CFI: variants seen among roughly 807,000 people sequenced by gnomAD.
The protein encoded by CFI is C3B/C4B inactivator.
A neutral mutation model predicts 78.8 loss-of-function variants in CFI; 66 were observed. That is an observed-to-expected ratio of 0.84 (90% CI 0.69 to 1.03). The LOEUF is 1.03. CFI is among the 50% of genes least tolerant of loss of function. The pLI is 0.00. For missense variants in CFI, 706 were observed against 704.5 expected, an observed-to-expected ratio of 1.00 and a Z score of -0.02; for synonymous variants, 250 against 232.6, an observed-to-expected ratio of 1.07 and a Z score of -0.68.
At chr4:109,734,941 G>A in the CFI span, among the ~76,000 whole-genome samples, 1 of 152,118 alleles carries the variant, frequency 6.6e-6, no homozygotes, top group East Asian at 1.9e-4. Context: ...ATTCTGGGTG[G>A]CCAAGACTGG....
Position 109,764,773 on chromosome 4 carries a change from T to C in CFI, c.329-83A>G, listed in dbSNP as rs139301380. On this transcript the variant is annotated intron_variant, in intron 2 of 12. Transcript: ENST00000394634. ...TTAAAAGTCTTTAAAAATAATAATGTACTTAATGTCAAGTGAGCTTTGAAC... is the reference window on the plus strand; with the variant it reads ...TTAAAAGTCTTTAAAAATAATAATGCACTTAATGTCAAGTGAGCTTTGAAC... 66 of 1,254,350 alleles carry C rather than the reference T, an allele frequency of 5.3e-5. No individual in the cohort carries two copies. The East Asian group carries it at 1.5e-3, about 29-fold the overall frequency. 77.7% of individuals were successfully genotyped at this position (1,254,350 alleles called of 1,614,324 possible).
intron 1 of CFI, among the ~76,000 whole-genome samples, chr4:109,797,906 A>G (rs1007030851): frequency 2.0e-5 from 3 of 152,228 alleles, no homozygotes; most frequent in Admixed American, 6.5e-5. Flanking sequence ...TAACAAATGT[A>G]GCTGAGGATA....
chr4:109,741,417 A>G, intron 12 of CFI: 1 of 917,180 alleles, frequency 1.1e-6, no homozygotes, highest in South Asian at 5.0e-5. Flanking sequence ...TAGGAAAATG[A>G]TGGGACTGCC....
chr4:109,751,402 C>G (rs1338115840), intron 8 of CFI, among the ~76,000 whole-genome samples: 1 of 150,552 alleles, frequency 6.6e-6, no homozygotes, highest in Non-Finnish European at 1.5e-5. Flanking sequence ...GTTGAAAATG[C>G]CTTTTGACTA....
At chr4:109,752,324 A>C (rs969280002) in intron 8 of CFI, 144 bp downstream of exon 8, 25 of 703,198 alleles carry the variant, frequency 3.6e-5, no homozygotes, top group Non-Finnish European at 5.5e-5. Context: ...GTGACAGAGA[A>C]AGGAGAATAA....
At chr4:109,754,567 C>T (rs1009937940) in intron 7 of CFI, among the ~76,000 whole-genome samples, 1 of 151,770 alleles carries the variant, frequency 6.6e-6, no homozygotes, top group Admixed American at 6.6e-5. Context: ...CAACATGTTG[C>T]TCTGTCATGG....
chr4:109,800,093 C>T (rs1253555478), intron 1 of CFI, among the ~76,000 whole-genome samples: 2 of 152,066 alleles, frequency 1.3e-5, no homozygotes, highest in South Asian at 2.1e-4. Flanking sequence ...CTGCCATTTC[C>T]GCTGCCATCA....
chr4:109,755,741 A>G (rs1309605060), intron 7 of CFI, among the ~76,000 whole-genome samples: 1 of 152,138 alleles, frequency 6.6e-6, no homozygotes, highest in African/African-American at 2.4e-5. Context: ...TTCTTCATAA[A>G]TTACCCCGTC....
At chr4:109,757,068 GC>G (rs1333449226) in intron 7 of CFI, among the ~76,000 whole-genome samples, 1 of 151,918 alleles carries the variant, frequency 6.6e-6, no homozygotes, top group Non-Finnish European at 1.5e-5. Context: ...CAGCTCTGTC[GC>G]CCAGGCTGGA....
At chr4:109,756,949 GAAAGAA>G (rs1561297935) in intron 7 of CFI, among the ~76,000 whole-genome samples, 32 of 142,644 alleles carry the variant, frequency 2.2e-4, no homozygotes, top group African/African-American at 8.4e-4. Context: ...AAGAAAGAAA[GAAAGAA>G]AGAAAGAAAG....
intron 6 of CFI, 183 bp from the exon 7 acceptor site, chr4:109,757,966 C>CA (rs1561299240): frequency 2.1e-6 from 3 of 1,454,118 alleles, no homozygotes; most frequent in Non-Finnish European, 9.1e-7. Context: ...GCTGCTAAAA[C>CA]AAAAAACAAA....
At position 109,761,665 on chromosome 4, in the gene CFI, C is replaced by G; in HGVS notation, c.510G>C (p.Lys170Asn). Residue 170 changes from lysine to asparagine, a missense_variant, in exon 4 of 13, where the codon AAG becomes AAC. Physicochemically the swap from Lys to Asn is moderately conservative, Grantham distance 94. Coordinates refer to ENST00000394634, the MANE Select transcript of CFI (RefSeq NM_000204.5). ...TGGAATTTATAGAGAGATCAGACAA[C>G]TTAAACCTTCTTTGAGTATCAGCAC... ...QQGADTQRRF[K>N]LSDLSINSTE... 1 of 1,613,446 alleles carries G rather than the reference C, an allele frequency of 6.2e-7. No homozygotes were observed. The highest frequency in any genetic ancestry group is 1.1e-5 in the South Asian group (1 of 91,074).
the CFI span, among the ~76,000 whole-genome samples, chr4:109,731,488 T>G: frequency 1.3e-5 from 2 of 152,366 alleles, no homozygotes; most frequent in Admixed American, 1.3e-4. Context: ...TCATAAAAAT[T>G]ACATCCCTCT....
At chr4:109,777,326 G>T (rs1177332483) in intron 1 of CFI, among the ~76,000 whole-genome samples, 1 of 152,134 alleles carries the variant, frequency 6.6e-6, no homozygotes, top group Admixed American at 6.5e-5. Context: ...GGCAGGGGTT[G>T]CAATCCTAGT....
Position 109,781,354 on chromosome 4 carries a change from C to T in CFI, c.58-14530G>A, listed in dbSNP as rs139040783. 4.3e-3 allele frequency among the ~76,000 whole-genome samples: 649 copies of T among 152,144 alleles called. 8 individuals carry two copies. Among genetic ancestry groups the T allele is most frequent in the African/African-American group, 0.015 (611 of 41,512 alleles). On this transcript the variant is annotated intron_variant, in intron 1 of 12. Coordinates refer to ENST00000394634, the MANE Select transcript of CFI (RefSeq NM_000204.5). ...TACTACAACTGACACCACTGAAATACAAAAGATCATTCAAGGCTACTATGA... is the reference window on the plus strand; with the variant it reads ...TACTACAACTGACACCACTGAAATATAAAAGATCATTCAAGGCTACTATGA...
chr4:109,755,452 C>T (rs1726004370), intron 7 of CFI, among the ~76,000 whole-genome samples: 2 of 152,070 alleles, frequency 1.3e-5, no homozygotes, highest in South Asian at 4.2e-4. Flanking sequence ...AACTTAATCC[C>T]CAACACAACA....
At chr4:109,775,084 G>C (rs775558985) in intron 1 of CFI, among the ~76,000 whole-genome samples, 1 of 152,158 alleles carries the variant, frequency 6.6e-6, no homozygotes. Context: ...CCAGTCTGCA[G>C]CTCCCAGTGT....
intron 6 of CFI, among the ~76,000 whole-genome samples, chr4:109,758,584 A>C (rs1215916166): frequency 6.6e-6 from 1 of 152,208 alleles, no homozygotes; most frequent in Non-Finnish European, 1.5e-5. Flanking sequence ...AATAGGCATG[A>C]TAAAATTAGA....
intron 1 of CFI, among the ~76,000 whole-genome samples, chr4:109,799,361 C>G (rs926358747): frequency 3.9e-5 from 6 of 152,152 alleles, no homozygotes; most frequent in Admixed American, 1.3e-4. Context: ...TACAGGAAGG[C>G]CTTAGGATAG....
Sources: allele counts gnomAD v4.1 joint callset (sites outside exome capture counted in the v4.1 genomes callset), GRCh38; gene constraint gnomAD v4.1.1; transcripts MANE v1.5; gene names NCBI Gene and HGNC (gene_info 2026-07-23, HGNC 2026-07-21).